The following KIF26B variants were observed in gnomAD, a reference collection of about 807,000 sequenced individuals.
KIF26B encodes the protein kinesin family member 26B.
In KIF26B, 63 loss-of-function variants were observed where a neutral mutation model predicts 151.2. The ratio of observed to expected loss-of-function variants is 0.42; its 90% CI spans 0.34 to 0.51. KIF26B has a LOEUF of 0.51. Among genes scored for constraint, KIF26B ranks in the 20% least tolerant of loss-of-function variants. The pLI, the probability that KIF26B is intolerant of heterozygous loss-of-function variation, is 0.07. For missense variants in KIF26B, 2,813 were observed against 2,913.6 expected, an observed-to-expected ratio of 0.97 and a Z score of 0.79; for synonymous variants, 1,357 against 1,262.1, an observed-to-expected ratio of 1.08 and a Z score of -1.59.
At chr1:245,640,122 G>GCTCGCTCGCTCTCTCTCTCTCTCTCTCT (rs1553299289) in intron 9 of KIF26B, among the ~76,000 whole-genome samples, 8 of 53,982 alleles carry the variant, frequency 1.5e-4, no homozygotes, top group African/African-American at 6.0e-4. Context: ...ACTAATATTT[G>GCTCGCTCGCTCTCTCTCTCTCTCTCTCT]CTCTCTCTCT....
At chr1:245,629,569 C>T (rs1473377664) in intron 9 of KIF26B, among the ~76,000 whole-genome samples, 1 of 152,166 alleles carries the variant, frequency 6.6e-6, no homozygotes, top group Non-Finnish European at 1.5e-5. Context: ...GGACCCCTTC[C>T]TTACACCTTA....
intron 10 of KIF26B, among the ~76,000 whole-genome samples, chr1:245,656,213 A>C (rs2044071923): frequency 7.8e-6 from 1 of 127,394 alleles, no homozygotes; most frequent in Non-Finnish European, 1.7e-5. Flanking sequence ...ATCAGCGCTG[A>C]ATCGGCACTA....
chr1:245,394,346 C>T (rs758334556), intron 3 of KIF26B, among the ~76,000 whole-genome samples: 17 of 152,162 alleles, frequency 1.1e-4, no homozygotes, highest in Non-Finnish European at 1.9e-4. Flanking sequence ...AAGCAGGCTG[C>T]GTGCCGTGAC....
intron 4 of KIF26B, among the ~76,000 whole-genome samples, chr1:245,460,709 C>T (rs943193821): frequency 2.6e-5 from 4 of 152,208 alleles, no homozygotes; most frequent in Admixed American, 6.5e-5. Context: ...TTTCTTCCAG[C>T]GGCAGAGGAC....
Position 245,155,046 on chromosome 1 carries a change from T to C in KIF26B, c.-379T>C, listed in dbSNP as rs890026584. 1.3e-5 allele frequency: 6 copies of C among 453,276 alleles called. No homozygotes were observed. The highest frequency in any genetic ancestry group is 2.3e-5 in the Non-Finnish European group (6 of 262,538). The allele number at this position is 453,276 out of a possible 1,614,324, so 28.1% of individuals were successfully genotyped here. On this transcript the variant is annotated 5_prime_UTR_variant, in exon 1 of 15. Transcript: ENST00000407071. ...GCTGACTCGGCTCGGCTCTCCCACC[T>C]TCCCGGCAGCGGCCGCGAGCCCTGA... is the stretch of plus-strand genomic sequence containing the variant.
intron 2 of KIF26B, among the ~76,000 whole-genome samples, chr1:245,355,610 A>AG (rs1558400602): frequency 7.9e-6 from 1 of 125,970 alleles, no homozygotes; most frequent in South Asian, 2.1e-4. Context: ...AAAAAAAAAA[A>AG]AAGAAGAAGA....
At chr1:245,642,948 C>T (rs914735012) in intron 9 of KIF26B, among the ~76,000 whole-genome samples, 6 of 152,208 alleles carry the variant, frequency 3.9e-5, no homozygotes, top group Admixed American at 1.3e-4. Flanking sequence ...TCCACGACTG[C>T]AGCAGGAGGT....
chr1:245,539,884 C>G (rs1661572535), intron 4 of KIF26B, among the ~76,000 whole-genome samples: 1 of 152,146 alleles, frequency 6.6e-6, no homozygotes, highest in South Asian at 2.1e-4. Flanking sequence ...AACTCCTGAC[C>G]TCAGGTGAGC....
At chr1:245,670,586 T>G (rs1234402402) in intron 10 of KIF26B, among the ~76,000 whole-genome samples, 1 of 151,888 alleles carries the variant, frequency 6.6e-6, no homozygotes, top group African/African-American at 2.4e-5. Flanking sequence ...CCAATGCTCA[T>G]AGTAGCATTA....
chr1:245,687,264 G>C lies in KIF26B; in HGVS notation c.4281G>C (p.Lys1427Asn). ...CATTAGCCCAGTCCCGGGAGAGTAA[G>C]GAAAACAGTGCAAAGAAAGAGATGA... ...GPTLAQSRES[K>N]ENSAKKEMKF... is the part of the protein sequence containing the mutation. The change falls in exon 12 of 15, where the codon AAG becomes AAC. Residue 1427 changes from lysine to asparagine, a missense_variant. Coordinates refer to ENST00000407071, the MANE Select transcript of KIF26B (RefSeq NM_018012.4). This position sits in a 1 kb window ranked among gnomAD's most constrained non-coding sequence, Gnocchi z 4.9. 1 of 1,611,976 alleles carries C rather than the reference G, an allele frequency of 6.2e-7. No individual in the cohort carries two copies. Among genetic ancestry groups the C allele is most frequent in the South Asian group, 1.1e-5 (1 of 90,684 alleles).
At chr1:245,466,522 C>A (rs1053139900) in intron 4 of KIF26B, among the ~76,000 whole-genome samples, 1 of 152,194 alleles carries the variant, frequency 6.6e-6, no homozygotes, top group African/African-American at 2.4e-5. Flanking sequence ...CAATGACAAA[C>A]GTTTTCCTTT....
intron 6 of KIF26B, among the ~76,000 whole-genome samples, chr1:245,604,719 C>T (rs1251999309): frequency 3.9e-5 from 6 of 152,346 alleles, no homozygotes; most frequent in South Asian, 2.1e-4. Flanking sequence ...ATTTCACACT[C>T]GGCTGCAGAG....
chr1:245,630,341 A>C (rs1316824868), intron 9 of KIF26B, among the ~76,000 whole-genome samples: 7 of 152,244 alleles, frequency 4.6e-5, no homozygotes, highest in African/African-American at 1.7e-4. Context: ...CCAAATGTCC[A>C]TCAATGATAG....
intron 2 of KIF26B, among the ~76,000 whole-genome samples, chr1:245,287,586 C>T (rs1381195497): frequency 3.3e-5 from 5 of 151,404 alleles, no homozygotes; most frequent in Non-Finnish European, 7.4e-5. Context: ...TCACCGCAAC[C>T]GCCACCTCCT....
rs2103123778 is a variant in KIF26B, at chr1:245,572,578, G to C, written c.1351-29999G>C. Among the ~76,000 whole-genome samples the C allele has an allele frequency of 6.6e-6, 1 of 152,256 alleles. No homozygotes were observed. Among genetic ancestry groups the C allele is most frequent in the Non-Finnish European group, 1.5e-5 (1 of 68,018 alleles). The stretch of plus-strand genomic sequence containing the variant: ...TACTCGCTGCAGTGGGAAATTTTAT[G>C]TTATGTGAATTTTATCTCATGATTA... On this transcript the variant is annotated intron_variant, in intron 5 of 14. Transcript: ENST00000407071. The surrounding 1 kb of genome is among the most constrained non-coding windows in gnomAD (Gnocchi z 4.2).
intron 9 of KIF26B, among the ~76,000 whole-genome samples, chr1:245,616,696 C>T (rs1298391419): frequency 6.6e-6 from 1 of 152,142 alleles, no homozygotes; most frequent in Non-Finnish European, 1.5e-5. Context: ...GAATTTTCCC[C>T]TTGTGGCATC....
intron 9 of KIF26B, among the ~76,000 whole-genome samples, chr1:245,640,318 T>C (rs2043879719): frequency 6.6e-6 from 1 of 151,434 alleles, no homozygotes; most frequent in South Asian, 2.1e-4. Context: ...CTTGATCATT[T>C]TTGGTTTCCA....
chr1:245,705,724 G>A lies in KIF26B; in HGVS notation c.*3118G>A, dbSNP rs2044831989. 1 of 152,216 alleles carries A rather than the reference G, an allele frequency of 6.6e-6. No homozygotes were observed. Among genetic ancestry groups the A allele is most frequent in the Non-Finnish European group, 1.5e-5 (1 of 68,048 alleles). 9.4% of individuals were successfully genotyped at this position (152,216 alleles called of 1,614,324 possible). A position where few individuals can be genotyped will look rare whatever the true frequency, so the allele number is the denominator to read the frequency against. ...GGAGCAAAACTAAGATCTAAGAACG[G>A]GCGGTGGTGCTATTGTGTCCCTGGG... On this transcript the variant is annotated 3_prime_UTR_variant, in exon 15 of 15. Transcript: ENST00000407071.
intron 10 of KIF26B, among the ~76,000 whole-genome samples, chr1:245,665,587 T>C (rs934234265): frequency 1.3e-5 from 2 of 152,272 alleles, no homozygotes; most frequent in Admixed American, 6.5e-5. Context: ...TCAAAAACTA[T>C]AGCTTGTGCT....
Sources: allele counts gnomAD v4.1 joint callset (sites outside exome capture counted in the v4.1 genomes callset), GRCh38; gene constraint gnomAD v4.1.1; non-coding constraint Gnocchi (gnomAD v3.1); transcripts MANE v1.5; gene names NCBI Gene and HGNC (gene_info 2026-07-23, HGNC 2026-07-21).